INPP1: variants seen among roughly 807,000 people sequenced by gnomAD.
The protein encoded by INPP1 is inositol polyphosphate-1-phosphatase, also known as inositol polyphosphate 1-phosphatase.
In INPP1, 18 loss-of-function variants were observed where a neutral mutation model predicts 23.0. The ratio of observed to expected loss-of-function variants is 0.78; its 90% CI spans 0.54 to 1.16. INPP1 has a LOEUF of 1.16. INPP1 is among the 50% of genes most tolerant of loss of function. The pLI is 0.00. For synonymous variants in INPP1, 164 were observed against 176.3 expected (o/e 0.93, Z 0.55); for missense variants, 448 against 482.1 (o/e 0.93, Z 0.66).
chr2:190,360,371 A>G, intron 3 of INPP1, 65 bp downstream of exon 3: 1 of 1,433,626 alleles, frequency 7.0e-7, no homozygotes, highest in South Asian at 1.2e-5. Context: ...CCATCATAGA[A>G]TAGCATGCCT....
rs773124306 is a variant in INPP1 at position 190,360,137 on chromosome 2, C to T, written c.35C>T (p.Ser12Phe). The T allele has an allele frequency of 1.9e-6, 3 of 1,613,720 alleles. No individual in the cohort carries two copies. Among genetic ancestry groups the T allele is most frequent in the South Asian group, 1.1e-5 (1 of 91,070 alleles). The change falls in exon 3 of 7, where the codon TCT (serine) becomes TTT (phenylalanine). Residue 12 changes from serine (S) to phenylalanine (F), a missense_variant. Ser to Phe is a radical substitution (Grantham distance 155, BLOSUM62 -2). Coordinates refer to ENST00000392329, the MANE Select transcript of INPP1 (RefSeq NM_001128928.2). ...SDILRELLCVSEKAANIARAC... is the reference protein window; with the variant it reads ...SDILRELLCVFEKAANIARAC... Reference sequence around the variant, plus strand: ...ATCCTCCGGGAGCTGCTCTGTGTCTCTGAGAAGGCTGCTAACATTGCCCGG... The same window carrying T: ...ATCCTCCGGGAGCTGCTCTGTGTCTTTGAGAAGGCTGCTAACATTGCCCGG...
Position 190,369,199 on chromosome 2 carries a change from T to G in INPP1, c.563T>G (p.Val188Gly). ...GLQCVTILIG[V>G]YDIQTGVPLM... ...CAGTGTGTCACCATTTTAATTGGTG[T>G]CTATGACATACAGACAGGGGTTCCC... The change falls in exon 6 of 7, where the codon GTC becomes GGC. Residue 188 changes from valine (V) to glycine (G), a missense_variant. Physicochemically the swap from Val to Gly is moderately radical, Grantham distance 109. Coordinates refer to ENST00000392329, the MANE Select transcript of INPP1 (RefSeq NM_001128928.2). 1 of 1,608,094 alleles carries G rather than the reference T, an allele frequency of 6.2e-7. No homozygotes were observed. The highest frequency in any genetic ancestry group is 8.5e-7 in the Non-Finnish European group (1 of 1,175,048).
In INPP1 at chr2:190,366,675, A is replaced by G; in HGVS notation, c.266-20A>G. Reference sequence around the variant, plus strand: ...TGAAACTCTTGAAATGTAATGGCTTATCGTGTGGCTTTACCCTAGGGGAAA... The same window carrying G: ...TGAAACTCTTGAAATGTAATGGCTTGTCGTGTGGCTTTACCCTAGGGGAAA... On this transcript the variant is annotated intron_variant, in intron 4 of 6. Coordinates refer to ENST00000392329, the MANE Select transcript of INPP1 (RefSeq NM_001128928.2). The G allele has an allele frequency of 1.9e-6, 3 of 1,551,954 alleles. No homozygotes were observed. The highest frequency in any genetic ancestry group is 2.7e-6 in the Non-Finnish European group (3 of 1,123,908).
rs1162912627 is a variant in INPP1 at position 190,343,954 on chromosome 2, C to T, written c.-216C>T. On this transcript the variant is annotated 5_prime_UTR_variant, in exon 1 of 7. Transcript: ENST00000392329. ...CTGCCTCCTGCTCTGTCCTCATCCC[C>T]GGCTTAGGTAACACGTTTTCCTCCT... is the stretch of plus-strand genomic sequence containing the variant. The T allele has an allele frequency of 1.7e-5, 4 of 238,674 alleles. No individual in the cohort carries two copies. The highest frequency in any genetic ancestry group is 4.0e-5 in the South Asian group (1 of 24,802). The allele number at this position is 238,674 out of a possible 1,614,324, so 14.8% of individuals were successfully genotyped here. A position where few individuals can be genotyped will look rare whatever the true frequency, so the allele number is the denominator to read the frequency against.
chr2:190,346,392 A>G lies in INPP1; in HGVS notation c.-209+2431A>G, dbSNP rs1038633630. ...TTTTATTAATATGATGAGGCCACTC[A>G]TTTAGGAAATCTGAAACTTTTATAT... On this transcript the variant is annotated intron_variant, in intron 1 of 6. Coordinates refer to ENST00000392329, the MANE Select transcript of INPP1 (RefSeq NM_001128928.2). This position sits in a 1 kb window ranked among gnomAD's most constrained non-coding sequence, Gnocchi z 5.1. 6.6e-6 allele frequency among the ~76,000 whole-genome samples: 1 copy of G among 152,222 alleles called. No homozygotes were observed. Among genetic ancestry groups the G allele is most frequent in the African/African-American group, 2.4e-5 (1 of 41,462 alleles).
intron 3 of INPP1, 54 bp downstream of exon 3, chr2:190,360,360 T>C (rs2124930946): frequency 2.0e-6 from 3 of 1,517,344 alleles, no homozygotes; most frequent in Non-Finnish European, 2.7e-6. Context: ...TGTGGCTTTC[T>C]CCATCATAGA....
chr2:190,366,637 G>A (rs1246283877), intron 4 of INPP1, 58 bp from the exon 5 acceptor site: 2 of 1,214,248 alleles, frequency 1.6e-6, no homozygotes, highest in Middle Eastern at 1.9e-4. Flanking sequence ...CTCTCTCTCT[G>A]TTCTTTCTCC....
Position 190,360,022 on chromosome 2 carries a change from T to C in INPP1, c.-64-17T>C, listed in dbSNP as rs1689503581. ...TCTCTGAACTGCTTTCTCTTTCACA[T>C]TCTTGTATTTTTCCAGCTGACGGCC... On this transcript the variant is annotated splice_polypyrimidine_tract_variant and intron_variant, in intron 2 of 6. Coordinates refer to ENST00000392329, the MANE Select transcript of INPP1 (RefSeq NM_001128928.2). The C allele has an allele frequency of 7.1e-7, 1 of 1,406,490 alleles. No individual in the cohort carries two copies. The highest frequency in any genetic ancestry group is 1.2e-5 in the South Asian group (1 of 84,406). 87.1% of individuals were successfully genotyped at this position (1,406,490 alleles called of 1,614,324 possible).
chr2:190,365,938 T>C (rs1466516929), intron 4 of INPP1, among the ~76,000 whole-genome samples: 1 of 151,722 alleles, frequency 6.6e-6, no homozygotes, highest in Non-Finnish European at 1.5e-5. Context: ...TGTCTCTCGC[T>C]CACTGTCTGT....
rs1419105124 is a variant in INPP1, at chr2:190,354,247, A to G, written c.-65+5216A>G. Among the ~76,000 whole-genome samples, 5 of 152,220 alleles carry G rather than the reference A, an allele frequency of 3.3e-5. No homozygotes were observed. The highest frequency in any genetic ancestry group is 5.9e-5 in the Non-Finnish European group (4 of 68,046). On this transcript the variant is annotated intron_variant, in intron 2 of 6. Coordinates refer to ENST00000392329, the MANE Select transcript of INPP1 (RefSeq NM_001128928.2). This position sits in a 1 kb window ranked among gnomAD's most constrained non-coding sequence, Gnocchi z 4.8. ...CTTATTGACGACATAAATGGGGAGG[A>G]AAACACTATCCCATTTTCACTTTTG...
At chr2:190,351,247 A>G (rs1689318811) in intron 2 of INPP1, among the ~76,000 whole-genome samples, 1 of 152,270 alleles carries the variant, frequency 6.6e-6, no homozygotes, top group Non-Finnish European at 1.5e-5. Flanking sequence ...CAGGTGCCTA[A>G]GATGGAGGAG....
chr2:190,343,969 G>C lies in INPP1; in HGVS notation c.-209+8G>C, dbSNP rs1689166072. 1 of 271,484 alleles carries C rather than the reference G, an allele frequency of 3.7e-6. No homozygotes were observed. Among genetic ancestry groups the C allele is most frequent in the African/African-American group, 2.4e-5 (1 of 42,532 alleles). The allele number at this position is 271,484 out of a possible 1,614,324, so 16.8% of individuals were successfully genotyped here. On this transcript the variant is annotated splice_region_variant and intron_variant, in intron 1 of 6. Transcript: ENST00000392329. ...TCCTCATCCCCGGCTTAGGTAACAC[G>C]TTTTCCTCCTTACGACACCCACCAC...
chr2:190,345,598 C>CT lies in INPP1; in HGVS notation c.-209+1642dup, dbSNP rs1429375040. On this transcript the variant is annotated intron_variant, in intron 1 of 6. Coordinates refer to ENST00000392329, the MANE Select transcript of INPP1 (RefSeq NM_001128928.2). This position sits in a 1 kb window ranked among gnomAD's most constrained non-coding sequence, Gnocchi z 4.9. ...AAGGTGAGGATGGTGTATATAAGCA[C>CT]TTTTTCCCGATGTGAGTCCTTATGA... The CT allele has an allele frequency of 1.3e-5, 2 of 152,194 alleles. No individual in the cohort carries two copies. Among genetic ancestry groups the CT allele is most frequent in the Admixed American group, 1.3e-4 (2 of 15,282 alleles). The allele number at this position is 152,194 out of a possible 1,614,324, so 9.4% of individuals were successfully genotyped here.
intron 1 of INPP1, among the ~76,000 whole-genome samples, chr2:190,347,772 T>C (rs1429963771): frequency 6.6e-6 from 1 of 152,268 alleles, no homozygotes; most frequent in Non-Finnish European, 1.5e-5. Flanking sequence ...AAGAAAATTG[T>C]TCTTTTAACA....
intron 4 of INPP1, among the ~76,000 whole-genome samples, chr2:190,364,293 A>G (rs1338359945): frequency 6.6e-6 from 1 of 151,880 alleles, no homozygotes; most frequent in Non-Finnish European, 1.5e-5. Flanking sequence ...TAATCCCAGC[A>G]CTTTGGGAGG....
Position 190,366,790 on chromosome 2 carries a change from T to A in INPP1, c.361T>A (p.Leu121Ile). ...TGGTAACAAGGTGGCATCTGAAGCA[T>A]TAGCCAGGGTTGTTCATCAGGATGT... ...LNGNKVASEALARVVHQDVAF... is the reference protein window; with the variant it reads ...LNGNKVASEAIARVVHQDVAF... The change falls in exon 5 of 7, where the codon TTA (leucine) becomes ATA (isoleucine). Residue 121 changes from leucine (L) to isoleucine (I), a missense_variant. Physicochemically the swap from Leu to Ile is conservative, Grantham distance 5 (BLOSUM62 2). Coordinates refer to ENST00000392329, the MANE Select transcript of INPP1 (RefSeq NM_001128928.2). The A allele has an allele frequency of 6.2e-7, 1 of 1,613,236 alleles. No individual in the cohort carries two copies. The highest frequency in any genetic ancestry group is 8.5e-7 in the Non-Finnish European group (1 of 1,179,136).
intron 4 of INPP1, among the ~76,000 whole-genome samples, chr2:190,364,724 G>A (rs756130537): frequency 1.1e-4 from 16 of 149,594 alleles, no homozygotes; most frequent in Admixed American, 2.0e-4. Flanking sequence ...CCAAGTAGCT[G>A]GGATTACAGA....
At chr2:190,347,255 C>G (rs1159208082) in intron 1 of INPP1, among the ~76,000 whole-genome samples, 1 of 152,026 alleles carries the variant, frequency 6.6e-6, no homozygotes, top group Admixed American at 6.5e-5. Context: ...TCGTGATCCA[C>G]CCGCCTTGGC....
At chr2:190,353,607 C>G (rs2124921427) in intron 2 of INPP1, among the ~76,000 whole-genome samples, 1 of 152,234 alleles carries the variant, frequency 6.6e-6, no homozygotes, top group South Asian at 2.1e-4. Flanking sequence ...AGAAATATCT[C>G]ATTTGATCTT....
Sources: allele counts gnomAD v4.1 joint callset (sites outside exome capture counted in the v4.1 genomes callset), GRCh38; gene constraint gnomAD v4.1.1; non-coding constraint Gnocchi (gnomAD v3.1); transcripts MANE v1.5; gene names NCBI Gene and HGNC (gene_info 2026-07-23, HGNC 2026-07-21).